TFR2: variants seen among roughly 807,000 people sequenced by gnomAD.
TFR2 encodes transferrin receptor protein 2.
In TFR2, 64 loss-of-function variants were observed where a neutral mutation model predicts 91.9. That is an observed-to-expected ratio of 0.70 (90% CI 0.57 to 0.86). The LOEUF is 0.86. TFR2 is among the 40% of genes least tolerant of loss of function. The probability of loss-of-function intolerance (pLI) is 0.00; values close to 1 mark genes in which losing one functional copy is unlikely to be tolerated. For synonymous variants in TFR2, 454 were observed against 459.6 expected (o/e 0.99, Z 0.15); for missense variants, 950 against 1,080.5 (o/e 0.88, Z 1.69).
At chr7:100,631,460 T>TA (rs1485924847) in intron 8 of TFR2, 1 of 290,188 alleles carries the variant, frequency 3.4e-6, no homozygotes, top group South Asian at 3.1e-5. Flanking sequence ...AACCCTCTAC[T>TA]AAAAATACAA....
intron 9 of TFR2, 65 bp downstream of exon 9, chr7:100,630,824 G>A: frequency 6.2e-7 from 1 of 1,606,204 alleles, no homozygotes. Context: ...ATCTTGCCAG[G>A]GTGTATGGGC....
intron 3 of TFR2, among the ~76,000 whole-genome samples, chr7:100,634,177 A>AACACACAC (rs3076877): frequency 0.086 from 11,334 of 132,540 alleles, 581 homozygotes; most frequent in Middle Eastern, 0.15. Flanking sequence ...TCCCGACGTC[A>AACACACAC]ACACACACAC....
chr7:100,624,266 C>T (rs1260669052), intron 17 of TFR2, among the ~76,000 whole-genome samples: 1 of 152,078 alleles, frequency 6.6e-6, no homozygotes, highest in African/African-American at 2.4e-5. Flanking sequence ...TGTTCTGGCT[C>T]TGCTGGTCCA....
chr7:100,640,586 AC>A lies in TFR2; in HGVS notation c.473+99del, dbSNP rs1486293548. On this transcript the variant is annotated intron_variant, in intron 3 of 17. Transcript: ENST00000223051. ...GCAGATGGGAGGACTCAGGAGGGGGACCCAGACACCAGAGGCCTGGGCCAGG... is the reference window on the plus strand; with the variant it reads ...GCAGATGGGAGGACTCAGGAGGGGGACCAGACACCAGAGGCCTGGGCCAGG... The A allele has an allele frequency of 2.2e-6, 3 of 1,367,094 alleles. No homozygotes were observed. The African/African-American group carries it at 4.3e-5, about 19-fold the overall frequency. 84.7% of individuals were successfully genotyped at this position (1,367,094 alleles called of 1,614,324 possible).
rs373415641 is a variant in TFR2 at position 100,628,125 on chromosome 7, G to T, written c.1485C>A (p.Ser495Arg). 1.2e-6 allele frequency: 2 copies of T among 1,613,992 alleles called. No homozygotes were observed. The highest frequency in any genetic ancestry group is 1.7e-6 in the Non-Finnish European group (2 of 1,180,016). ...ACACTACGGCTTTGAGGTGCAGCAC[G>T]CTGAGGTAGCCCTGTGGGTGGGTGA... ...GSTEWLEGYL[S>R]VLHLKAVVYV... The change falls in exon 12 of 18, where the codon AGC (serine) becomes AGA (arginine). Residue 495 changes from serine (S) to arginine (R), a missense_variant. By Grantham distance (110) the Ser-to-Arg change is moderately radical. Coordinates refer to ENST00000223051, the MANE Select transcript of TFR2 (RefSeq NM_003227.4).
chr7:100,640,998 C>T lies in TFR2; in HGVS notation c.264G>A (p.Thr88=), dbSNP rs747341157. ...CACCCCCAGTGAAGATCAGCAGGGC[C>T]GTCAGGACCAGGTAGGGGGCAGCCC... ...GRRAAPYLVL[T]ALLIFTGAFL... is the part of the protein sequence containing the mutation. Residue 88 remains threonine, a synonymous_variant, in exon 2 of 18, where the codon ACG becomes ACA. Transcript: ENST00000223051. 1.2e-5 allele frequency: 20 copies of T among 1,607,110 alleles called. No individual in the cohort carries two copies. In the Middle Eastern group the frequency reaches 9.9e-4, roughly 80 times the overall value.
intron 17 of TFR2, 183 bp downstream of exon 17, chr7:100,626,580 G>A (rs2131310551): frequency 1.4e-6 from 2 of 1,417,786 alleles, no homozygotes; most frequent in Non-Finnish European, 1.8e-6. Flanking sequence ...TTGATCGCTC[G>A]GGTCCTCCAG....
At chr7:100,626,484 G>C (rs1803253843) in intron 17 of TFR2, 1 of 1,320,406 alleles carries the variant, frequency 7.6e-7, no homozygotes, top group Non-Finnish European at 9.7e-7. Flanking sequence ...GGGAGGGGTG[G>C]GGGAGGGTGG....
chr7:100,632,691 A>T (rs1185331256), intron 6 of TFR2: 3 of 350,666 alleles, frequency 8.6e-6, no homozygotes, highest in Non-Finnish European at 1.6e-5. Flanking sequence ...CTGGGACCAC[A>T]TGCATGTGCC....
At chr7:100,632,818 G>T in intron 6 of TFR2, 183 bp downstream of exon 6, 1 of 901,442 alleles carries the variant, frequency 1.1e-6, no homozygotes, top group Non-Finnish European at 1.7e-6. Flanking sequence ...CGATCCTCCT[G>T]TCTTGGCCTC....
At chr7:100,633,365 C>A in intron 4 of TFR2, 25 bp from the exon 5 acceptor site, 2 of 1,609,114 alleles carry the variant, frequency 1.2e-6, no homozygotes, top group Non-Finnish European at 1.7e-6. Flanking sequence ...TGGTGAGCGC[C>A]CCGAGCCGCG....
At chr7:100,622,802 C>A (rs1283969814) in intron 17 of TFR2, among the ~76,000 whole-genome samples, 2 of 151,894 alleles carry the variant, frequency 1.3e-5, no homozygotes, top group African/African-American at 2.4e-5. Flanking sequence ...ACTACAAATA[C>A]AAAAAATTTA....
intron 3 of TFR2, chr7:100,640,221 A>AGGCAC (rs1803668542): frequency 6.1e-6 from 1 of 163,080 alleles, no homozygotes; most frequent in Non-Finnish European, 1.3e-5. Flanking sequence ...CTGGGACTAC[A>AGGCAC]GGCACTCGCC....
intron 10 of TFR2, among the ~76,000 whole-genome samples, chr7:100,628,842 C>A (rs1256239546): frequency 2.0e-5 from 3 of 151,792 alleles, no homozygotes; most frequent in Admixed American, 6.6e-5. Context: ...TCTCGGCTTA[C>A]TGCAAACTCC....
Position 100,626,786 on chromosome 7 carries a change from T to G in TFR2, c.2113A>C (p.Met705Leu). The change falls in exon 17 of 18, where the codon ATG becomes CTG. Residue 705 changes from methionine to leucine, a missense_variant. By Grantham distance (15) the Met-to-Leu change is conservative. Transcript: ENST00000223051. ...SEERDERLTR[M>L]YNVRIMRVEF... Reference sequence around the variant, plus strand: ...ACCCGCATTATGCGCACGTTGTACATGCGTGTCAGTCGCTCGTCTCTCTCC... The same window carrying G: ...ACCCGCATTATGCGCACGTTGTACAGGCGTGTCAGTCGCTCGTCTCTCTCC... 6.5e-7 allele frequency: 1 copy of G among 1,547,588 alleles called. No homozygotes were observed.
intron 11 of TFR2, 37 bp from the exon 12 acceptor site, chr7:100,628,173 C>T (rs770754691): frequency 1.2e-6 from 2 of 1,613,592 alleles, no homozygotes; most frequent in South Asian, 1.1e-5. Flanking sequence ...GGGAACCCCC[C>T]ACCCCCACCT....
rs372014293 is a variant in TFR2 at position 100,629,338 on chromosome 7, T to G, written c.1305A>C (p.Ala435=). The change falls in exon 10 of 18, where the codon GCA becomes GCC. Residue 435 remains alanine, a synonymous_variant. Coordinates refer to ENST00000223051, the MANE Select transcript of TFR2 (RefSeq NM_003227.4). ...CGGATTTAGCTGCTCCTGGGCCCCA[T>G]GCATCCCTCTGGGCCCCGATGACAA... ...HYVVIGAQRD[A]WGPGAAKSAV... is the part of the protein sequence containing the mutation. 6.2e-7 allele frequency: 1 copy of G among 1,614,000 alleles called. No individual in the cohort carries two copies. Among genetic ancestry groups the G allele is most frequent in the Non-Finnish European group, 8.5e-7 (1 of 1,179,914 alleles).
At chr7:100,631,305 CT>C (rs542161282) in intron 8 of TFR2, among the ~76,000 whole-genome samples, 14,019 of 95,516 alleles carry the variant, frequency 0.15, 1,050 homozygotes, top group South Asian at 0.24. Context: ...AGAAGAGTCA[CT>C]TTTTTTTTTT....
intron 17 of TFR2, among the ~76,000 whole-genome samples, chr7:100,624,478 C>T (rs754360975): frequency 7.9e-5 from 12 of 152,224 alleles, no homozygotes; most frequent in Admixed American, 2.6e-4. Flanking sequence ...GCAGGCCATG[C>T]TGCTTTTATT....
Sources: allele counts gnomAD v4.1 joint callset (sites outside exome capture counted in the v4.1 genomes callset), GRCh38; gene constraint gnomAD v4.1.1; transcripts MANE v1.5; gene names NCBI Gene and HGNC (gene_info 2026-07-23, HGNC 2026-07-21).